The following DNAJB6 variants were observed in gnomAD, a reference collection of about 807,000 sequenced individuals.
DNAJB6 encodes the protein dnaJ homolog subfamily B member 6.
In DNAJB6, 16 loss-of-function variants were observed where a neutral mutation model predicts 42.7. The observed-to-expected ratio is 0.37, with a 90% CI of 0.25 to 0.57. The LOEUF (loss-of-function observed/expected upper bound fraction) is 0.57. DNAJB6 is among the 20% of genes least tolerant of loss of function. The pLI, the probability that DNAJB6 is intolerant of heterozygous loss-of-function variation, is 0.74. For missense variants in DNAJB6, 347 were observed against 416.8 expected, an observed-to-expected ratio of 0.83 and a Z score of 1.46; for synonymous variants, 170 against 163.5, an observed-to-expected ratio of 1.04 and a Z score of -0.30.
chr7:157,407,103 G>C (rs1795799374), intron 8 of DNAJB6, among the ~76,000 whole-genome samples: 1 of 152,254 alleles, frequency 6.6e-6, no homozygotes, highest in South Asian at 2.1e-4. Flanking sequence ...GGGAGGTGGG[G>C]GGGGTCCCAA....
At chr7:157,393,880 T>G (rs544551415) in intron 8 of DNAJB6, among the ~76,000 whole-genome samples, 50 of 152,322 alleles carry the variant, frequency 3.3e-4, no homozygotes, top group African/African-American at 1.2e-3. Context: ...TAAGCTGGTT[T>G]GTTGAGGGGT....
intron 9 of DNAJB6, 59 bp from the exon 10 acceptor site, chr7:157,415,957 G>A: frequency 6.2e-7 from 1 of 1,607,374 alleles, no homozygotes; most frequent in African/African-American, 1.3e-5. Flanking sequence ...AACATGTTTG[G>A]CTCTTGCTGG....
chr7:157,375,607 AAC>A (rs1247923417), intron 5 of DNAJB6, among the ~76,000 whole-genome samples: 1 of 152,228 alleles, frequency 6.6e-6, no homozygotes, highest in African/African-American at 2.4e-5. Flanking sequence ...AGTGGAGAGA[AAC>A]ACTGAAGCCC....
chr7:157,358,689 A>C (rs1409455466), intron 2 of DNAJB6, 52 bp downstream of exon 2: 1 of 1,397,118 alleles, frequency 7.2e-7, no homozygotes, highest in Non-Finnish European at 1.0e-6. Context: ...TACATTGGTA[A>C]TTGAGTAGTA....
intron 5 of DNAJB6, chr7:157,381,699 G>A (rs1800781835): frequency 6.6e-6 from 1 of 151,876 alleles, no homozygotes; most frequent in Non-Finnish European, 1.5e-5. Context: ...CCTTTGCCGA[G>A]ATTCATCAGG....
chr7:157,376,557 G>A (rs1286377581), intron 5 of DNAJB6, among the ~76,000 whole-genome samples: 1 of 152,176 alleles, frequency 6.6e-6, no homozygotes, highest in Non-Finnish European at 1.5e-5. Context: ...ATGTGTCCAA[G>A]TGGTCAGGGT....
At chr7:157,358,526 A>C in intron 1 of DNAJB6, 21 bp from the exon 2 acceptor site, 6 of 1,536,008 alleles carry the variant, frequency 3.9e-6, no homozygotes, top group Non-Finnish European at 5.4e-6. Flanking sequence ...CTCATCACTG[A>C]CCACCTGTTT....
chr7:157,381,607 G>C (rs1230430327), intron 5 of DNAJB6: 2 of 152,118 alleles, frequency 1.3e-5, no homozygotes, highest in African/African-American at 4.8e-5. Context: ...TCTTACGTCT[G>C]CTTGTTAACA....
intron 9 of DNAJB6, chr7:157,412,592 AC>A (rs1796010007): frequency 6.6e-6 from 1 of 151,994 alleles, no homozygotes; most frequent in African/African-American, 2.4e-5. Context: ...GTCACAGAAA[AC>A]CCATGACTCT....
At chr7:157,366,676 G>A (rs547101021) in intron 4 of DNAJB6, 115 bp downstream of exon 4, 44 of 931,394 alleles carry the variant, frequency 4.7e-5, no homozygotes, top group African/African-American at 3.9e-4. Flanking sequence ...GAGATGCAAC[G>A]TAGAAAGCGA....
chr7:157,383,162 A>G lies in DNAJB6; in HGVS notation c.478+785A>G, dbSNP rs567527450. ...GCTGGGATCACAGGTGTGCACCAGCAGGCCCAGCTAATTTTTGTATTTTTA... is the reference window on the plus strand; with the variant it reads ...GCTGGGATCACAGGTGTGCACCAGCGGGCCCAGCTAATTTTTGTATTTTTA... On this transcript the variant is annotated intron_variant, in intron 6 of 9. Coordinates refer to ENST00000262177, the MANE Select transcript of DNAJB6 (RefSeq NM_058246.4). Among the ~76,000 whole-genome samples, 16 of 152,292 alleles carry G rather than the reference A, an allele frequency of 1.1e-4. No homozygotes were observed. The South Asian group carries it at 3.3e-3, about 32-fold the overall frequency.
chr7:157,360,305 CAGG>C (rs1799515050), intron 2 of DNAJB6, among the ~76,000 whole-genome samples: 1 of 152,248 alleles, frequency 6.6e-6, no homozygotes, highest in South Asian at 2.1e-4. Flanking sequence ...GGCTTATTAT[CAGG>C]AGAATAGCAC....
intron 5 of DNAJB6, chr7:157,369,480 A>G (rs1427625494): frequency 2.2e-6 from 1 of 453,822 alleles, no homozygotes; most frequent in Non-Finnish European, 4.4e-6. Flanking sequence ...CACGAGGTGA[A>G]ACGGGCTGTC....
At chr7:157,376,500 A>G (rs1054056342) in intron 5 of DNAJB6, among the ~76,000 whole-genome samples, 1 of 152,246 alleles carries the variant, frequency 6.6e-6, no homozygotes, top group Non-Finnish European at 1.5e-5. Flanking sequence ...TTCTGAGCCA[A>G]ATATAAGTGA....
chr7:157,402,555 C>T (rs1051308003), intron 8 of DNAJB6, among the ~76,000 whole-genome samples: 2 of 152,210 alleles, frequency 1.3e-5, no homozygotes, highest in African/African-American at 2.4e-5. Flanking sequence ...GAGACAAACA[C>T]CTCCCAGGCT....
intron 1 of DNAJB6, among the ~76,000 whole-genome samples, chr7:157,343,315 A>G (rs923271622): frequency 2.0e-5 from 3 of 151,894 alleles, no homozygotes; most frequent in Non-Finnish European, 2.9e-5. Flanking sequence ...GCTCACCACC[A>G]TGCCTGGCTA....
intron 8 of DNAJB6, 58 bp from the exon 9 acceptor site, chr7:157,409,737 G>C: frequency 1.4e-6 from 2 of 1,470,208 alleles, no homozygotes; most frequent in Non-Finnish European, 1.8e-6. Context: ...CTCTGCTCTG[G>C]ATGGGGGCCG....
intron 3 of DNAJB6, among the ~76,000 whole-genome samples, chr7:157,365,807 G>A (rs1291972374): frequency 2.6e-5 from 4 of 151,708 alleles, no homozygotes; most frequent in African/African-American, 9.7e-5. Flanking sequence ...TGGGATCACA[G>A]GCATGCGCCA....
At chr7:157,360,785 C>T (rs772005115) in intron 2 of DNAJB6, among the ~76,000 whole-genome samples, 2 of 152,314 alleles carry the variant, frequency 1.3e-5, no homozygotes, top group Admixed American at 6.5e-5. Context: ...GCCACCTGTT[C>T]TGCATCTCTC....
Sources: allele counts gnomAD v4.1 joint callset (sites outside exome capture counted in the v4.1 genomes callset), GRCh38; gene constraint gnomAD v4.1.1; transcripts MANE v1.5; gene names NCBI Gene and HGNC (gene_info 2026-07-23, HGNC 2026-07-21).